Variants in DOK7 observed in about 807,000 individuals in gnomAD.
DOK7 encodes protein Dok-7.
DOK7 carries 32 observed loss-of-function variants against 30.7 expected under a neutral mutation model. That is an observed-to-expected ratio of 1.04 (90% confidence interval 0.79 to 1.40). DOK7 has a LOEUF of 1.40. DOK7 is among the 40% of genes most tolerant of loss of function. The pLI, the probability that DOK7 is intolerant of heterozygous loss-of-function variation, is 0.00. For synonymous variants in DOK7, 447 were observed against 324.1 expected, an observed-to-expected ratio of 1.38 and a Z score of -4.07; for missense variants, 1,007 against 699.2, an observed-to-expected ratio of 1.44 and a Z score of -4.97.
intron 2 of DOK7, among the ~76,000 whole-genome samples, chr4:3,465,437 A>T (rs1726212527): frequency 6.6e-6 from 1 of 152,170 alleles, no homozygotes; most frequent in Non-Finnish European, 1.5e-5. Context: ...GGAGGAGCAG[A>T]CAGCACAGAC....
rs1337228970 is a variant in DOK7, at chr4:3,476,504, G to A, written c.494G>A (p.Ser165Asn). The A allele has an allele frequency of 1.2e-6, 2 of 1,613,924 alleles. No homozygotes were observed. The highest frequency in any genetic ancestry group is 1.7e-6 in the Non-Finnish European group (2 of 1,180,038). ...CTCCGGCGCTACGGGGCCGTGCCAA[G>A]CGGATTCATCTTTGAAGGCGGGACC... ...SDLRRYGAVPSGFIFEGGTRC... is the reference protein window; with the variant it reads ...SDLRRYGAVPNGFIFEGGTRC... Residue 165 changes from serine to asparagine, a missense_variant, in exon 4 of 7, where the codon AGC becomes AAC. Transcript: ENST00000340083.
chr4:3,490,474 CTCTG>C (rs1199865910), intron 6 of DOK7, among the ~76,000 whole-genome samples: 18 of 124,644 alleles, frequency 1.4e-4, no homozygotes, highest in Non-Finnish European at 2.9e-4. Flanking sequence ...TTTCTTCTCC[CTCTG>C]CTCATTCATT....
chr4:3,484,743 C>T, intron 4 of DOK7: 3 of 985,526 alleles, frequency 3.0e-6, no homozygotes, highest in Non-Finnish European at 3.6e-6. Flanking sequence ...CTCAGGGCAG[C>T]ACCCACACAC....
Position 3,494,194 on chromosome 4 carries a change from C to G in DOK7, c.*693C>G. ...CCCCACTGGGAGAGGCGCCGTGCCT[C>G]GGGCCCCTGGTGGGAGCTCTGCTGG... On this transcript the variant is annotated 3_prime_UTR_variant, in exon 7 of 7. Coordinates refer to ENST00000340083, the MANE Select transcript of DOK7 (RefSeq NM_173660.5). 1 of 985,568 alleles carries G rather than the reference C, an allele frequency of 1.0e-6. No homozygotes were observed. The highest frequency in any genetic ancestry group is 1.2e-6 in the Non-Finnish European group (1 of 830,008). The allele number at this position is 985,568 out of a possible 1,614,324, so 61.1% of individuals were successfully genotyped here.
intron 2 of DOK7, among the ~76,000 whole-genome samples, chr4:3,469,458 A>G (rs4690102): frequency 0.76 from 115,840 of 151,964 alleles, 45,301 homozygotes; most frequent in East Asian, 0.93. Context: ...CTCAGCCGCC[A>G]GGCAAGAGAC....
chr4:3,500,796 C>G lies in DOK7; in HGVS notation c.1366C>G (p.Leu456Val), dbSNP rs1264874028. 2.0e-6 allele frequency: 3 copies of G among 1,533,838 alleles called. No homozygotes were observed. Among genetic ancestry groups the G allele is most frequent in the African/African-American group, 2.7e-5 (2 of 73,094 alleles). Reference sequence around the variant, plus strand: ...GGCCCGGGAGGAGCAGCTGTCGGAGCTGGAGCAGAGGAAGGCAGCCCCGCA... The same window carrying G: ...GGCCCGGGAGGAGCAGCTGTCGGAGGTGGAGCAGAGGAAGGCAGCCCCGCA... Residue 456 changes from leucine to valine, a missense_variant, in exon 8 of 8, where the codon CTG (leucine) becomes GTG (valine). By Grantham distance (32) the Leu-to-Val change is conservative. Coordinates refer to the DOK7 transcript ENST00000643608.
At chr4:3,489,246 C>T (rs986979442) in intron 5 of DOK7, among the ~76,000 whole-genome samples, 2 of 152,090 alleles carry the variant, frequency 1.3e-5, no homozygotes, top group Non-Finnish European at 2.9e-5. Flanking sequence ...GGCATTTCCC[C>T]AGGTGGAGGG....
At chr4:3,484,738 G>A (rs1383290037) in intron 4 of DOK7, 1 of 985,430 alleles carries the variant, frequency 1.0e-6, no homozygotes, top group African/African-American at 1.7e-5. Flanking sequence ...ACGGCCTCAG[G>A]GCAGCACCCA....
rs1403634812 is a variant in DOK7, at chr4:3,493,168, G to A, written c.1182G>A (p.Glu394=). ...GCACCTGCCTGCCCGGGACAGTCGA[G>A]TACCAGGTGCCCACCTCCCTGCGGG... ...SLCTCLPGTV[E]YQVPTSLRAH... The change falls in exon 7 of 7, where the codon GAG becomes GAA. Residue 394 remains glutamate (E), a synonymous_variant. Transcript: ENST00000340083. The A allele has an allele frequency of 4.4e-6, 7 of 1,608,002 alleles. No individual in the cohort carries two copies. The highest frequency in any genetic ancestry group is 1.3e-5 in the African/African-American group (1 of 74,816).
chr4:3,489,824 G>A (rs776732773), intron 6 of DOK7, 28 bp downstream of exon 6: 2 of 1,561,838 alleles, frequency 1.3e-6, no homozygotes, highest in Admixed American at 1.9e-5. Context: ...CCTGGGCTGT[G>A]GGACCTCGGC....
Position 3,473,394 on chromosome 4 carries a change from C to T in DOK7, c.101-12C>T, listed in dbSNP as rs754996532. 1.2e-5 allele frequency: 19 copies of T among 1,610,408 alleles called. No individual in the cohort carries two copies. The highest frequency in any genetic ancestry group is 1.4e-5 in the Non-Finnish European group (17 of 1,179,636). ...TGTTGGCTGGCGTCCCTGACGGCCA[C>T]GCTCCTTGCAGACTGCCTGCTGATG... On this transcript the variant is annotated splice_polypyrimidine_tract_variant and intron_variant, in intron 2 of 6. Coordinates refer to ENST00000340083, the MANE Select transcript of DOK7 (RefSeq NM_173660.5).
At chr4:3,495,291 C>T (rs961075254), downstream of DOK7, among the ~76,000 whole-genome samples, 1 of 152,102 alleles carries the variant, frequency 6.6e-6, no homozygotes, top group Non-Finnish European at 1.5e-5. Flanking sequence ...GAGGCTGTGG[C>T]TCCTTTGCTG....
intron 2 of DOK7, among the ~76,000 whole-genome samples, chr4:3,464,687 C>T (rs1479789767): frequency 6.6e-6 from 1 of 152,160 alleles, no homozygotes; most frequent in Non-Finnish European, 1.5e-5. Flanking sequence ...TGCAGACCCT[C>T]CAGAGAGGCC....
rs61504107 is a variant in DOK7 at position 3,469,684 on chromosome 4, G to A, written c.101-3722G>A. Among the ~76,000 whole-genome samples, 1,288 of 152,332 alleles carry A rather than the reference G, an allele frequency of 8.5e-3. 18 individuals are homozygous for A. Among genetic ancestry groups the A allele is most frequent in the African/African-American group, 0.029 (1,207 of 41,580 alleles). ...CCAGGGAGAGCCGCTGCGTCCTGGG[G>A]CTCTGGTGTCCCGGCCTTGACCTGG... On this transcript the variant is annotated intron_variant, in intron 2 of 6. Transcript: ENST00000340083.
chr4:3,489,650 C>T (rs1264248283), intron 5 of DOK7, 27 bp from the exon 6 acceptor site: 1 of 1,560,676 alleles, frequency 6.4e-7, no homozygotes, highest in South Asian at 1.2e-5. Context: ...TGGCCACCTC[C>T]TCCACCGAGT....
intron 2 of DOK7, 136 bp downstream of exon 2, chr4:3,463,687 C>T: frequency 8.7e-7 from 1 of 1,143,626 alleles, no homozygotes; most frequent in Non-Finnish European, 1.2e-6. Flanking sequence ...CCGTGCGGAC[C>T]CGGACCCCCC....
intron 3 of DOK7, 29 bp downstream of exon 3, chr4:3,473,665 G>A: frequency 6.6e-7 from 1 of 1,517,166 alleles, no homozygotes; most frequent in South Asian, 1.2e-5. Context: ...GGCCGGGCGG[G>A]GGCTCCCCGT....
chr4:3,487,743 A>G (rs1414918727), intron 5 of DOK7, among the ~76,000 whole-genome samples: 4 of 152,160 alleles, frequency 2.6e-5, no homozygotes, highest in African/African-American at 4.8e-5. Flanking sequence ...TGGACGGGAA[A>G]TGGTGGGAGG....
intron 2 of DOK7, among the ~76,000 whole-genome samples, chr4:3,470,307 AC>A (rs1726684743): frequency 6.6e-6 from 1 of 152,120 alleles, no homozygotes; most frequent in African/African-American, 2.4e-5. Context: ...ATATGCAGAA[AC>A]CCTGTTCCCA....
Sources: gnomAD v4.1 joint callset for allele counts (sites outside exome capture counted in the v4.1 genomes callset) on GRCh38, gnomAD v4.1.1 for gene constraint, MANE v1.5 for transcripts, NCBI Gene and HGNC (gene_info 2026-07-23, HGNC 2026-07-21) for gene names.